Variants in RXFP1 observed in about 807,000 individuals in gnomAD.
RXFP1 encodes the protein relaxin family peptide receptor 1.
In RXFP1, 73 loss-of-function variants were observed where a neutral mutation model predicts 89.8. The observed-to-expected ratio is 0.81, with a 90% confidence interval of 0.67 to 0.99. The LOEUF is 0.99. RXFP1 is among the 50% of genes least tolerant of loss of function. The pLI is 0.00. For synonymous variants in RXFP1, 277 were observed against 305.5 expected (o/e 0.91, Z 0.97); for missense variants, 793 against 895.5 (o/e 0.89, Z 1.46).
chr4:158,601,164 G>A (rs889199180), intron 4 of RXFP1, among the ~76,000 whole-genome samples: 1 of 151,762 alleles, frequency 6.6e-6, no homozygotes, highest in Non-Finnish European at 1.5e-5. Flanking sequence ...ACATACATAC[G>A]TACATAAAGA....
At chr4:158,597,700 C>T (rs545609156) in intron 3 of RXFP1, among the ~76,000 whole-genome samples, 77 of 152,094 alleles carry the variant, frequency 5.1e-4, no homozygotes, top group Non-Finnish European at 7.6e-4. Flanking sequence ...TTAATTTAGT[C>T]TCTGTATATG....
At chr4:158,644,856 G>A in intron 14 of RXFP1, 53 bp from the exon 15 acceptor site, 1 of 1,181,442 alleles carries the variant, frequency 8.5e-7, no homozygotes, top group Non-Finnish European at 1.2e-6. Context: ...ATGAATGTAT[G>A]GTGACACTGA....
At chr4:158,617,269 C>A in intron 9 of RXFP1, 64 bp downstream of exon 9, 3 of 1,177,518 alleles carry the variant, frequency 2.5e-6, no homozygotes, top group Non-Finnish European at 2.5e-6. Flanking sequence ...TAATTCATTC[C>A]AGATATAAGA....
intron 1 of RXFP1, among the ~76,000 whole-genome samples, chr4:158,557,523 C>T (rs1382949860): frequency 6.6e-6 from 1 of 152,050 alleles, no homozygotes; most frequent in Non-Finnish European, 1.5e-5. Context: ...GCAGGGTCTC[C>T]TCTGTCACCT....
rs189262623 is a variant in RXFP1, at chr4:158,547,733, G to A, written c.50-24965G>A. ...CCCAATAGTCATTCAGGAGCAAGTT[G>A]TTCAGTTTCCATGTAGTTGAGCAGT... On this transcript the variant is annotated intron_variant, in intron 1 of 17. Transcript: ENST00000307765. Among the ~76,000 whole-genome samples the A allele has an allele frequency of 1.3e-3, 193 of 152,214 alleles. 1 individual carries two copies. The highest frequency in any genetic ancestry group is 3.4e-3 in the Middle Eastern group (1 of 294).
At chr4:158,573,140 C>T (rs1755470287) in intron 2 of RXFP1, 1 of 215,494 alleles carries the variant, frequency 4.6e-6, no homozygotes. Flanking sequence ...TCCCGAGTAG[C>T]TGGGACTACA....
chr4:158,642,066 G>A (rs765901192), intron 14 of RXFP1, among the ~76,000 whole-genome samples: 4 of 151,978 alleles, frequency 2.6e-5, no homozygotes, highest in African/African-American at 4.8e-5. Flanking sequence ...AGATAGGCAT[G>A]TTAGCAAGTA....
intron 2 of RXFP1, among the ~76,000 whole-genome samples, chr4:158,581,804 A>T (rs1375027646): frequency 6.6e-6 from 1 of 152,178 alleles, no homozygotes; most frequent in Admixed American, 6.5e-5. Flanking sequence ...TGGGTAATTT[A>T]TGAAGAAAAG....
chr4:158,593,556 A>G lies in RXFP1; in HGVS notation c.286+57A>G, dbSNP rs991325442. The G allele has an allele frequency of 7.7e-6, 7 of 907,450 alleles. No homozygotes were observed. The African/African-American group carries it at 1.2e-4, about 15-fold the overall frequency. The allele number at this position is 907,450 out of a possible 1,614,324, so 56.2% of individuals were successfully genotyped here. A position where few individuals can be genotyped will look rare whatever the true frequency, so the allele number is the denominator to read the frequency against. The stretch of plus-strand genomic sequence containing the variant: ...ATGAGTTCATAAGACACCATTTTTA[A>G]AAGTTTGATTCAACATTTTAAAAAA... On this transcript the variant is annotated intron_variant, in intron 3 of 17. Coordinates refer to ENST00000307765, the MANE Select transcript of RXFP1 (RefSeq NM_021634.4).
intron 8 of RXFP1, among the ~76,000 whole-genome samples, chr4:158,615,993 A>C (rs1172970794): frequency 2.0e-5 from 3 of 152,216 alleles, no homozygotes; most frequent in Admixed American, 6.5e-5. Context: ...AATTACCAAA[A>C]TATGACACAG....
chr4:158,590,657 T>C (rs1054861358), intron 2 of RXFP1, among the ~76,000 whole-genome samples: 22 of 152,178 alleles, frequency 1.4e-4, no homozygotes, highest in African/African-American at 5.3e-4. Context: ...CCATTAATTA[T>C]GAGAGTCCCA....
intron 1 of RXFP1, among the ~76,000 whole-genome samples, chr4:158,560,044 T>G (rs1173388306): frequency 1.3e-5 from 2 of 152,238 alleles, no homozygotes; most frequent in Non-Finnish European, 2.9e-5. Context: ...GATGGAAAGC[T>G]TTCCTCTGGC....
intron 1 of RXFP1, among the ~76,000 whole-genome samples, chr4:158,539,858 G>GA (rs547949321): frequency 9.9e-5 from 15 of 151,902 alleles, no homozygotes; most frequent in East Asian, 5.8e-4. Flanking sequence ...GCTAAAGATG[G>GA]AAAAAAAATC....
At chr4:158,600,098 TTAAAAGAAATTAGTGGAGGACAGC>T (rs1761397210) in intron 4 of RXFP1, among the ~76,000 whole-genome samples, 2 of 152,218 alleles carry the variant, frequency 1.3e-5, no homozygotes, top group Non-Finnish European at 2.9e-5. Context: ...TGAAACTTTT[TTAAAAGAAATTAGTGGAGGACAGC>T]TATTTTAATC....
intron 1 of RXFP1, among the ~76,000 whole-genome samples, chr4:158,537,242 G>A (rs544263638): frequency 6.6e-6 from 1 of 152,194 alleles, no homozygotes; most frequent in Non-Finnish European, 1.5e-5. Context: ...GTGTTTACTG[G>A]TGAGCTAGTC....
intron 2 of RXFP1, 46 bp downstream of exon 2, chr4:158,572,881 G>A (rs189269071): frequency 6.3e-7 from 1 of 1,596,282 alleles, no homozygotes; most frequent in South Asian, 1.1e-5. Context: ...GAGCAGAAAG[G>A]ACTGAAGGTG....
chr4:158,638,003 A>G lies in RXFP1; in HGVS notation c.972-5A>G. The G allele has an allele frequency of 6.3e-7, 1 of 1,576,072 alleles. No homozygotes were observed. Among genetic ancestry groups the G allele is most frequent in the South Asian group, 1.1e-5 (1 of 89,306 alleles). On this transcript the variant is annotated splice_region_variant and splice_polypyrimidine_tract_variant and intron_variant, in intron 12 of 17. Coordinates refer to ENST00000307765, the MANE Select transcript of RXFP1 (RefSeq NM_021634.4). ...TGACCTATTGCTGCTTTTTTTAAAA[A>G]ACAGGAATCTTTCCTATAATCCAAT...
intron 9 of RXFP1, among the ~76,000 whole-genome samples, chr4:158,621,170 T>G (rs1391684432): frequency 6.6e-6 from 1 of 152,018 alleles, no homozygotes; most frequent in Non-Finnish European, 1.5e-5. Context: ...TACCTGAGCA[T>G]GGTAGCATGC....
rs5741905 is a variant in RXFP1 at position 158,527,564 on chromosome 4, A to AAAATATATATATATATATAT, written c.49+5540_49+5541insAATATATATATATATATATA. ...ATCTCCCCCGCTCCAAAAAAAAAAA[A>AAAATATATATATATATATAT]ATATATATATATATGTATATATATA... On this transcript the variant is annotated intron_variant, in intron 1 of 17. Transcript: ENST00000307765. Among the ~76,000 whole-genome samples, 383 of 98,282 alleles carry AAAATATATATATATATATAT rather than the reference A, an allele frequency of 3.9e-3. 4 individuals carry two copies. Among genetic ancestry groups the AAAATATATATATATATATAT allele is most frequent in the African/African-American group, 0.011 (312 of 28,496 alleles). 64.5% of individuals were successfully genotyped at this position (98,282 alleles called of 152,430 possible).
Sources: gnomAD v4.1 joint callset for allele counts (sites outside exome capture counted in the v4.1 genomes callset) on GRCh38, gnomAD v4.1.1 for gene constraint, MANE v1.5 for transcripts, NCBI Gene and HGNC (gene_info 2026-07-23, HGNC 2026-07-21) for gene names.